Variants in ATCAY observed in about 807,000 individuals in gnomAD.
ATCAY encodes the protein ATCAY kinesin light chain interacting caytaxin.
In ATCAY, 22 loss-of-function variants were observed where a neutral mutation model predicts 47.7. The ratio of observed to expected loss-of-function variants is 0.46; its 90% CI spans 0.33 to 0.66. The LOEUF is 0.66. Among genes scored for constraint, ATCAY ranks in the 30% least tolerant of loss-of-function variants. ATCAY has a pLI of 0.02. For missense variants in ATCAY, 452 were observed against 515.0 expected, an observed-to-expected ratio of 0.88 and a Z score of 1.18; for synonymous variants, 216 against 207.6, an observed-to-expected ratio of 1.04 and a Z score of -0.35.
chr19:3,913,794 C>A lies in ATCAY; in HGVS notation c.903C>A (p.Ser301Arg). The A allele has an allele frequency of 6.2e-7, 1 of 1,613,884 alleles. No individual in the cohort carries two copies. The change falls in exon 9 of 13, where the codon AGC becomes AGA. Residue 301 changes from serine (S) to arginine (R), a missense_variant. Physicochemically the swap from Ser to Arg is moderately radical, Grantham distance 110. Transcript: ENST00000450849. ...KFINKIQYVH[S>R]LEDLEQLIPM... ...TCAACAAGATCCAGTACGTGCACAG[C>A]TTGGAAGACCTGGAGCAACTCATCC...
chr19:3,924,023 G>A (rs2039043945), intron 12 of ATCAY, among the ~76,000 whole-genome samples: 1 of 150,752 alleles, frequency 6.6e-6, no homozygotes, highest in Non-Finnish European at 1.5e-5. Context: ...TGAGTGGGTG[G>A]ATGGATGGGT....
intron 2 of ATCAY, among the ~76,000 whole-genome samples, chr19:3,893,963 A>G (rs1453675191): frequency 1.3e-5 from 2 of 151,664 alleles, no homozygotes; most frequent in African/African-American, 2.4e-5. Flanking sequence ...AGCTTATTCC[A>G]GTCCCGGAGC....
chr19:3,885,529 G>A (rs2038641289), intron 1 of ATCAY, among the ~76,000 whole-genome samples, 198 bp from the exon 2 acceptor site: 1 of 150,828 alleles, frequency 6.6e-6, no homozygotes, highest in Admixed American at 6.7e-5. Context: ...ACTACAGCCT[G>A]GGCAACAGAG....
chr19:3,906,588 C>A (rs1053032858), intron 4 of ATCAY, among the ~76,000 whole-genome samples: 9 of 151,972 alleles, frequency 5.9e-5, no homozygotes, highest in African/African-American at 2.2e-4. Flanking sequence ...CAGGTGTGAG[C>A]CACGGCGCCC....
intron 8 of ATCAY, among the ~76,000 whole-genome samples, chr19:3,913,493 A>T (rs549554793): frequency 6.6e-6 from 1 of 152,108 alleles, no homozygotes. Flanking sequence ...CTTCCTTCCA[A>T]CAAGATCCTC....
At chr19:3,922,225 G>A in intron 12 of ATCAY, 1 of 701,346 alleles carries the variant, frequency 1.4e-6, no homozygotes, top group Non-Finnish European at 2.6e-6. Flanking sequence ...GTCACGTTGT[G>A]AGTGTTATTA....
At chr19:3,910,736 AC>A in intron 7 of ATCAY, 66 bp from the exon 8 acceptor site, 1 of 1,539,198 alleles carries the variant, frequency 6.5e-7, no homozygotes, top group Non-Finnish European at 9.0e-7. Flanking sequence ...CTCCCGTCCC[AC>A]CCAGCTCCTC....
chr19:3,890,792 GC>G lies in ATCAY; in HGVS notation c.77+4953del, dbSNP rs556149567. ...ACAGTGGCCTCGCTGTGCCAGCCTG[GC>G]CCCCACGAGCTACGCCTTTGCCAAC... is the stretch of plus-strand genomic sequence containing the variant. On this transcript the variant is annotated intron_variant, in intron 2 of 12. Coordinates refer to ENST00000450849, the MANE Select transcript of ATCAY (RefSeq NM_033064.5). Among the ~76,000 whole-genome samples, 200 of 152,276 alleles carry G rather than the reference GC, an allele frequency of 1.3e-3. 1 individual carries two copies. The highest frequency in any genetic ancestry group is 4.6e-3 in the African/African-American group (192 of 41,552).
chr19:3,908,039 G>A lies in ATCAY; in HGVS notation c.544+120G>A, dbSNP rs2038880661. The A allele has an allele frequency of 2.0e-5, 27 of 1,353,710 alleles. No homozygotes were observed. In the South Asian group the frequency reaches 3.1e-4, roughly 16 times the overall value. The allele number at this position is 1,353,710 out of a possible 1,614,324, so 83.9% of individuals were successfully genotyped here. On this transcript the variant is annotated intron_variant, in intron 5 of 12. Coordinates refer to ENST00000450849, the MANE Select transcript of ATCAY (RefSeq NM_033064.5). The stretch of plus-strand genomic sequence containing the variant: ...TTAAGCCGTCAACTCGCTTCGGGTG[G>A]ACGGACTGTGGGCAAGGCGTGCATG...
chr19:3,913,173 G>A (rs2038937180), intron 8 of ATCAY, among the ~76,000 whole-genome samples: 1 of 151,748 alleles, frequency 6.6e-6, no homozygotes, highest in African/African-American at 2.4e-5. Context: ...TGTAGTCCCA[G>A]CTACTCGGGA....
chr19:3,910,695 T>A, intron 7 of ATCAY, 108 bp from the exon 8 acceptor site: 1 of 1,090,332 alleles, frequency 9.2e-7, no homozygotes. Flanking sequence ...ACACGTGGAA[T>A]GAGCAGAGTG....
intron 2 of ATCAY, chr19:3,895,060 G>A (rs1486127621): frequency 6.8e-6 from 3 of 438,310 alleles, no homozygotes; most frequent in East Asian, 7.2e-5. Context: ...TTTCTTTGCC[G>A]TAAGCATCAC....
In ATCAY at chr19:3,910,860, T is replaced by C. The variant is rs1202141074; in HGVS notation, c.837T>C (p.Thr279=). Residue 279 remains threonine, a synonymous_variant, in exon 8 of 13, where the codon ACT becomes ACC. Transcript: ENST00000450849. The part of the protein sequence containing the change: ...IIVHPSWFIR[T]VLAISRPFIS... ...TCCACCCCTCGTGGTTCATTCGGAC[T>C]GTGCTGGCCATCTCTCGCCCTTTCA... The C allele has an allele frequency of 6.2e-7, 1 of 1,613,940 alleles. No homozygotes were observed. The highest frequency in any genetic ancestry group is 1.1e-5 in the South Asian group (1 of 91,094).
At chr19:3,908,134 G>C in intron 5 of ATCAY, 134 bp from the exon 6 acceptor site, 1 of 1,020,152 alleles carries the variant, frequency 9.8e-7, no homozygotes, top group Non-Finnish European at 1.5e-6. Context: ...ACTGGCTAAG[G>C]GGTCGCCGGC....
intron 12 of ATCAY, among the ~76,000 whole-genome samples, chr19:3,922,935 C>T (rs752761572): frequency 3.9e-5 from 6 of 151,948 alleles, no homozygotes; most frequent in Non-Finnish European, 7.4e-5. Flanking sequence ...TTAGTAGAGA[C>T]GGGGTTTCAC....
chr19:3,882,172 T>C, intron 1 of ATCAY, among the ~76,000 whole-genome samples: 1 of 151,946 alleles, frequency 6.6e-6, no homozygotes, highest in Non-Finnish European at 1.5e-5. Context: ...GCCATGAGAG[T>C]TGGGGGCCTT....
rs920462404 is a variant in ATCAY, at chr19:3,910,815, C to T, written c.792C>T (p.Asn264=). 22 of 1,613,868 alleles carry T rather than the reference C, an allele frequency of 1.4e-5. No individual in the cohort carries two copies. Among genetic ancestry groups the T allele is most frequent in the Non-Finnish European group, 1.8e-5 (21 of 1,179,884 alleles). The change falls in exon 8 of 13, where the codon AAC becomes AAT. Residue 264 remains asparagine (N), a synonymous_variant. Coordinates refer to ENST00000450849, the MANE Select transcript of ATCAY (RefSeq NM_033064.5). ...CGGCCCCACACAGGTTGCGGAAAAACCTGAAGTCCTTGATCATCGTCCACC... is the reference window on the plus strand; with the variant it reads ...CGGCCCCACACAGGTTGCGGAAAAATCTGAAGTCCTTGATCATCGTCCACC... The part of the protein sequence containing the change: ...YQMIDRRLRK[N]LKSLIIVHPS...
At chr19:3,908,019 C>A in intron 5 of ATCAY, 100 bp downstream of exon 5, 1 of 1,443,146 alleles carries the variant, frequency 6.9e-7, no homozygotes, top group Non-Finnish European at 9.5e-7. Flanking sequence ...GGATGTTAAG[C>A]CGTCAACTCG....
At chr19:3,909,344 C>G in intron 6 of ATCAY, 142 bp from the exon 7 acceptor site, 1 of 930,314 alleles carries the variant, frequency 1.1e-6, no homozygotes, top group Non-Finnish European at 1.6e-6. Context: ...CCCTGCAGTC[C>G]GCCAGGACAG....
Sources: gnomAD v4.1 joint callset for allele counts (sites outside exome capture counted in the v4.1 genomes callset) on GRCh38, gnomAD v4.1.1 for gene constraint, MANE v1.5 for transcripts, NCBI Gene and HGNC (gene_info 2026-07-23, HGNC 2026-07-21) for gene names.